Variants in KCNQ2 observed in about 807,000 individuals in gnomAD.
KCNQ2 encodes the protein potassium voltage-gated channel subfamily Q member 2.
A neutral mutation model predicts 84.8 loss-of-function variants in KCNQ2; 14 were observed. That is an observed-to-expected ratio of 0.17 (90% CI 0.11 to 0.26). KCNQ2 has a LOEUF of 0.26. Ranked by LOEUF, KCNQ2 falls within the 10% of genes least tolerant of loss-of-function variation. The probability of loss-of-function intolerance (pLI) is 1.00; values close to 1 mark genes in which losing one functional copy is unlikely to be tolerated. For synonymous variants in KCNQ2, 599 were observed against 554.1 expected, an observed-to-expected ratio of 1.08 and a Z score of -1.14; for missense variants, 788 against 1,254.0, an observed-to-expected ratio of 0.63 and a Z score of 5.61.
chr20:63,434,729 C>G (rs1180634780), intron 7 of KCNQ2: 1 of 152,286 alleles, frequency 6.6e-6, no homozygotes, highest in African/African-American at 2.4e-5. Context: ...GCTCCCTCCA[C>G]TGAGCGTGAC....
At chr20:63,445,509 A>AAGGG in intron 2 of KCNQ2, 145 bp from the exon 3 acceptor site, 165 of 834,230 alleles carry the variant, frequency 2.0e-4, no homozygotes, top group Middle Eastern at 6.2e-4. Context: ...TGACCCCCCC[A>AAGGG]CCCCTCTCCA....
intron 11 of KCNQ2, among the ~76,000 whole-genome samples, chr20:63,421,973 G>A (rs1044161417): frequency 2.6e-5 from 4 of 152,166 alleles, no homozygotes; most frequent in Non-Finnish European, 4.4e-5. Flanking sequence ...CTGCCACCAC[G>A]TGCCTGTGTT....
chr20:63,426,010 C>T (rs1167743392), intron 10 of KCNQ2, among the ~76,000 whole-genome samples: 3 of 152,210 alleles, frequency 2.0e-5, no homozygotes, highest in Admixed American at 6.5e-5. Context: ...GGACGCTCCT[C>T]GGGGGCTCTC....
chr20:63,429,354 C>T (rs573484464), intron 9 of KCNQ2, among the ~76,000 whole-genome samples: 130 of 152,238 alleles, frequency 8.5e-4, no homozygotes, highest in Non-Finnish European at 1.7e-3. Flanking sequence ...CATCCACGGC[C>T]TCCACCCCTC....
At chr20:63,462,735 A>G (rs1481479163) in intron 1 of KCNQ2, among the ~76,000 whole-genome samples, 2 of 152,216 alleles carry the variant, frequency 1.3e-5, no homozygotes, top group Non-Finnish European at 2.9e-5. Context: ...TTGCAGCGGC[A>G]AAGTCCTAGC....
chr20:63,400,745 G>C lies in KCNQ2; in HGVS notation c.*5899C>G. On this transcript the variant is annotated 3_prime_UTR_variant, in exon 17 of 17. Transcript: ENST00000359125. This position sits in a 1 kb window ranked among gnomAD's most constrained non-coding sequence, Gnocchi z 8.7. ...ACGTGGGCCGTGTGGATCCCGGGCA[G>C]AGGGATGGCGTCCAGCGGGACCACC... 1 of 398,352 alleles carries C rather than the reference G, an allele frequency of 2.5e-6. No homozygotes were observed. The allele number at this position is 398,352 out of a possible 1,614,324, so 24.7% of individuals were successfully genotyped here. A position where few individuals can be genotyped will look rare whatever the true frequency, so the allele number is the denominator to read the frequency against.
At position 63,405,150 on chromosome 20, in the gene KCNQ2, A is replaced by C. The variant is rs2079899495; in HGVS notation, c.*1494T>G. ...CCTCCCAGCCAAGCCAAGTGCACTG[A>C]AAACGCAGGTGGAGGAGAAACGGGC... On this transcript the variant is annotated 3_prime_UTR_variant, in exon 17 of 17. Transcript: ENST00000359125. 6.6e-6 allele frequency: 1 copy of C among 152,360 alleles called. No homozygotes were observed. Among genetic ancestry groups the C allele is most frequent in the Admixed American group, 6.5e-5 (1 of 15,282 alleles). The allele number at this position is 152,360 out of a possible 1,614,324, so 9.4% of individuals were successfully genotyped here. A position where few individuals can be genotyped will look rare whatever the true frequency, so the allele number is the denominator to read the frequency against.
rs558794955 is a variant in KCNQ2 at position 63,437,878 on chromosome 20, C to T, written c.1023+747G>A. Among the ~76,000 whole-genome samples the T allele has an allele frequency of 2.0e-4, 30 of 152,272 alleles. No homozygotes were observed. The East Asian group carries it at 5.6e-3, about 28-fold the overall frequency. Reference sequence around the variant, plus strand: ...AGGCTGGAGTGCTGTGGCGTGATCTCGGCTCACTGCAACCTCCGCCTCCCT... The same window carrying T: ...AGGCTGGAGTGCTGTGGCGTGATCTTGGCTCACTGCAACCTCCGCCTCCCT... On this transcript the variant is annotated intron_variant, in intron 7 of 16. Coordinates refer to ENST00000359125, the MANE Select transcript of KCNQ2 (RefSeq NM_172107.4).
Position 63,402,162 on chromosome 20 carries a change from C to T in KCNQ2, c.*4482G>A, listed in dbSNP as rs2079824009. On this transcript the variant is annotated 3_prime_UTR_variant, in exon 17 of 17. Transcript: ENST00000359125. ...CCAGGTCCAAGTCTCGTGAGCCGTTCCTCTCACACCACGTCTGCTGGGCAC... is the reference window on the plus strand; with the variant it reads ...CCAGGTCCAAGTCTCGTGAGCCGTTTCTCTCACACCACGTCTGCTGGGCAC... 6.2e-6 allele frequency: 1 copy of T among 160,454 alleles called. No homozygotes were observed. The highest frequency in any genetic ancestry group is 6.7e-5 in the Admixed American group (1 of 14,830). The allele number at this position is 160,454 out of a possible 1,614,324, so 9.9% of individuals were successfully genotyped here. A position where few individuals can be genotyped will look rare whatever the true frequency, so the allele number is the denominator to read the frequency against.
In KCNQ2 at chr20:63,406,734, G is replaced by A. The variant is rs140674819; in HGVS notation, c.2529C>T (p.Ser843=). 1,022 of 1,610,050 alleles carry A rather than the reference G, an allele frequency of 6.3e-4. No individual in the cohort carries two copies. The highest frequency in any genetic ancestry group is 8.0e-4 in the South Asian group (73 of 90,748). The part of the protein sequence containing the change: ...YIAEGESDTD[S]DLCTPCGPPP... ...GGGGCCCGCACGGGGTACAGAGGTC[G>A]GAGTCGGTGTCTGACTCTCCCTCCG... The change falls in exon 17 of 17, where the codon TCC becomes TCT. Residue 843 remains serine, a synonymous_variant. Transcript: ENST00000359125.
chr20:63,445,156 A>T, intron 3 of KCNQ2, 82 bp downstream of exon 3: 1 of 1,590,522 alleles, frequency 6.3e-7, no homozygotes, highest in Non-Finnish European at 8.6e-7. Context: ...GCCCACGCAG[A>T]CGCCCCAGCT....
intron 1 of KCNQ2, among the ~76,000 whole-genome samples, 159 bp downstream of exon 1, chr20:63,472,009 G>A (rs1568985797): frequency 1.3e-5 from 2 of 151,710 alleles, no homozygotes; most frequent in East Asian, 1.9e-4. Flanking sequence ...ATCGCTCTCC[G>A]GTCTCGGCCC....
chr20:63,406,986 G>T lies in KCNQ2; in HGVS notation c.2277C>A (p.Asn759Lys), dbSNP rs780099824. The T allele has an allele frequency of 2.6e-6, 4 of 1,523,712 alleles. No homozygotes were observed. In the South Asian group the frequency reaches 4.8e-5, roughly 18 times the overall value. The allele number at this position is 1,523,712 out of a possible 1,614,324, so 94.4% of individuals were successfully genotyped here. ...GCCGCAGGAACTCCATGCTGGCGCG[G>T]TTGCCCCCGCCGTAGGCGGACAGCG... ...ERSLSAYGGG[N>K]RASMEFLRQE... Residue 759 changes from asparagine (N) to lysine (K), a missense_variant, in exon 17 of 17, where the codon AAC (asparagine) becomes AAA (lysine). Coordinates refer to ENST00000359125, the MANE Select transcript of KCNQ2 (RefSeq NM_172107.4).
intron 7 of KCNQ2, among the ~76,000 whole-genome samples, chr20:63,437,916 TCTC>T (rs1297616818): frequency 3.9e-5 from 6 of 152,182 alleles, no homozygotes; most frequent in African/African-American, 9.7e-5. Context: ...TTCAAGCGAT[TCTC>T]CTGCTTCAGC....
chr20:63,454,539 A>T (rs1208285527), intron 1 of KCNQ2, among the ~76,000 whole-genome samples: 1 of 152,210 alleles, frequency 6.6e-6, no homozygotes. Context: ...AGAAACCTCC[A>T]AACTGCGGAT....
Position 63,406,835 on chromosome 20 carries a change from A to T in KCNQ2, c.2428T>A (p.Ser810Thr), listed in dbSNP as rs1383676339. The T allele has an allele frequency of 6.2e-7, 1 of 1,612,456 alleles. No individual in the cohort carries two copies. Among genetic ancestry groups the T allele is most frequent in the East Asian group, 2.2e-5 (1 of 44,870 alleles). ...TTGAGAGCATCCAGGTTCTCCTTGG[A>T]CTGGGAGATGCTGAAGCCGCTGAAG... is the stretch of plus-strand genomic sequence containing the variant. Reference protein sequence around the residue: ...RSFSGFSISQSKENLDALNSC... With the variant: ...RSFSGFSISQTKENLDALNSC... Residue 810 changes from serine (S) to threonine (T), a missense_variant, in exon 17 of 17, where the codon TCC becomes ACC. Physicochemically the swap from Ser to Thr is moderately conservative, Grantham distance 58. Coordinates refer to ENST00000359125, the MANE Select transcript of KCNQ2 (RefSeq NM_172107.4).
chr20:63,443,452 C>T, intron 4 of KCNQ2, among the ~76,000 whole-genome samples: 1 of 123,872 alleles, frequency 8.1e-6, no homozygotes, highest in Non-Finnish European at 1.8e-5. Flanking sequence ...CCACCACCAT[C>T]ACCATCACCA....
At chr20:63,413,343 GC>G in intron 15 of KCNQ2, 106 bp downstream of exon 15, 1 of 1,353,818 alleles carries the variant, frequency 7.4e-7, no homozygotes. Flanking sequence ...TGGGGAGGAG[GC>G]CCCGCCCACA....
intron 1 of KCNQ2, among the ~76,000 whole-genome samples, chr20:63,451,914 C>A (rs764406160): frequency 6.6e-6 from 1 of 152,226 alleles, no homozygotes; most frequent in South Asian, 2.1e-4. Flanking sequence ...GCAGGGAAGG[C>A]GGGGCACAGG....
Sources: allele counts gnomAD v4.1 joint callset (sites outside exome capture counted in the v4.1 genomes callset), GRCh38; gene constraint gnomAD v4.1.1; non-coding constraint Gnocchi (gnomAD v3.1); transcripts MANE v1.5; gene names NCBI Gene and HGNC (gene_info 2026-07-23, HGNC 2026-07-21).